Variants in THSD7B observed in about 807,000 individuals in gnomAD.
The protein encoded by THSD7B is thrombospondin type-1 domain-containing protein 7B.
A neutral mutation model predicts 213.6 loss-of-function variants in THSD7B; 138 were observed. The ratio of observed to expected loss-of-function variants is 0.65; its 90% CI spans 0.56 to 0.74. The LOEUF is 0.74. Ranked by LOEUF, THSD7B falls within the 30% of genes least tolerant of loss-of-function variation. THSD7B has a pLI of 0.00. For synonymous variants in THSD7B, 742 were observed against 687.0 expected (o/e 1.08, Z -1.25); for missense variants, 1,931 against 1,991.5 (o/e 0.97, Z 0.58).
At chr2:137,282,744 G>A (rs1363218630) in intron 12 of THSD7B, among the ~76,000 whole-genome samples, 1 of 152,106 alleles carries the variant, frequency 6.6e-6, no homozygotes, top group Admixed American at 6.6e-5. Context: ...TGAGGGCTCT[G>A]TTTTATTCCA....
At chr2:137,251,995 G>A (rs1011288976) in intron 10 of THSD7B, among the ~76,000 whole-genome samples, 8 of 152,104 alleles carry the variant, frequency 5.3e-5, no homozygotes, top group African/African-American at 1.2e-4. Context: ...TTGGCTGGGC[G>A]CAGTGGCTCA....
At chr2:137,638,463 A>G (rs1682876071) in intron 20 of THSD7B, among the ~76,000 whole-genome samples, 1 of 152,226 alleles carries the variant, frequency 6.6e-6, no homozygotes, top group Non-Finnish European at 1.5e-5. Context: ...TGTAAGTCCA[A>G]TTAAACCTCG....
At chr2:137,130,891 C>A (rs895602235) in intron 5 of THSD7B, among the ~76,000 whole-genome samples, 6 of 150,270 alleles carry the variant, frequency 4.0e-5, no homozygotes, top group African/African-American at 1.5e-4. Flanking sequence ...TGGGTATATA[C>A]CCAGTAATGG....
rs184123913 is a variant in THSD7B, at chr2:137,540,422, C to G, written c.3139-22799C>G. 1.3e-3 allele frequency among the ~76,000 whole-genome samples: 199 copies of G among 151,782 alleles called. 1 individual carries two copies. The highest frequency in any genetic ancestry group is 1.8e-3 in the Admixed American group (27 of 15,204). ...AATTGAGAGATTTCTCGCATTTTAA[C>G]TTGCCCTGTTTCCAACTCCAGCTGC... On this transcript the variant is annotated intron_variant, in intron 15 of 27. Coordinates refer to ENST00000409968, the MANE Select transcript of THSD7B (RefSeq NM_001316349.2).
chr2:137,437,833 C>G (rs1323446831), intron 14 of THSD7B, among the ~76,000 whole-genome samples: 4 of 152,130 alleles, frequency 2.6e-5, no homozygotes, highest in Non-Finnish European at 4.4e-5. Flanking sequence ...AAATGTTAAT[C>G]TTTACCTACT....
chr2:137,613,704 A>AAT (rs1437895914), intron 17 of THSD7B, among the ~76,000 whole-genome samples: 3 of 152,246 alleles, frequency 2.0e-5, no homozygotes, highest in Admixed American at 6.5e-5. Flanking sequence ...GTCTTTATAT[A>AAT]ATTACTCTAG....
chr2:137,433,362 TC>T (rs1413112104), intron 14 of THSD7B, among the ~76,000 whole-genome samples: 2 of 150,624 alleles, frequency 1.3e-5, no homozygotes, highest in Non-Finnish European at 3.0e-5. Context: ...TATTTTGTTT[TC>T]TTTTTTTTTT....
chr2:137,367,851 A>C (rs1685455689), intron 12 of THSD7B, among the ~76,000 whole-genome samples: 1 of 152,096 alleles, frequency 6.6e-6, no homozygotes, highest in Non-Finnish European at 1.5e-5. Flanking sequence ...TAAGGCTACC[A>C]ATTCCATCAT....
At chr2:136,767,439 A>G (rs1474835434) in intron 1 of THSD7B, among the ~76,000 whole-genome samples, 1 of 103,474 alleles carries the variant, frequency 9.7e-6, no homozygotes, top group Non-Finnish European at 2.3e-5. Flanking sequence ...GAATTGTTTT[A>G]TTTTCTATCC....
intron 12 of THSD7B, among the ~76,000 whole-genome samples, chr2:137,316,213 A>G (rs1327247517): frequency 6.6e-6 from 1 of 152,234 alleles, no homozygotes; most frequent in Non-Finnish European, 1.5e-5. Flanking sequence ...CGAAAAAAAT[A>G]CCACAACCGA....
intron 2 of THSD7B, among the ~76,000 whole-genome samples, chr2:136,971,617 T>A: frequency 8.1e-6 from 1 of 123,790 alleles, no homozygotes; most frequent in South Asian, 2.7e-4. Flanking sequence ...AAATACAAAG[T>A]CACTGGTTTA....
intron 17 of THSD7B, among the ~76,000 whole-genome samples, chr2:137,581,782 AAAATAAT>A (rs1681584557): frequency 6.8e-6 from 1 of 147,550 alleles, no homozygotes. Context: ...AAAAAAAAAA[AAAATAAT>A]AATAAATAAT....
At chr2:137,126,834 A>G (rs536170245) in intron 5 of THSD7B, among the ~76,000 whole-genome samples, 16 of 152,240 alleles carry the variant, frequency 1.1e-4, no homozygotes, top group African/African-American at 3.9e-4. Context: ...AACATGTAGA[A>G]GTCATGGTAG....
At position 136,966,428 on chromosome 2, in the gene THSD7B, G is replaced by A. The variant is rs115599321; in HGVS notation, c.139+84111G>A. ...GACAGGGTTTTACCGTATCACTCAG[G>A]GTGGTCTCAAACTCTTGGGTTCAAG... On this transcript the variant is annotated intron_variant, in intron 2 of 27. Transcript: ENST00000409968. Among the ~76,000 whole-genome samples the A allele has an allele frequency of 7.0e-3, 1,066 of 152,142 alleles. 12 individuals are homozygous for A. The highest frequency in any genetic ancestry group is 0.024 in the African/African-American group (1,003 of 41,510).
chr2:136,904,001 C>G (rs1053824427), intron 2 of THSD7B, among the ~76,000 whole-genome samples: 1 of 147,844 alleles, frequency 6.8e-6, no homozygotes, highest in Middle Eastern at 3.2e-3. Flanking sequence ...GGGCCGGCAG[C>G]ATGATTTTTG....
chr2:137,010,617 AAC>A (rs1686214335), intron 2 of THSD7B, among the ~76,000 whole-genome samples: 1 of 152,190 alleles, frequency 6.6e-6, no homozygotes, highest in Non-Finnish European at 1.5e-5. Flanking sequence ...CTGTAGTGCC[AAC>A]ACATGTTATT....
intron 7 of THSD7B, among the ~76,000 whole-genome samples, chr2:137,215,483 T>C (rs1681215396): frequency 6.6e-6 from 1 of 152,118 alleles, no homozygotes; most frequent in Non-Finnish European, 1.5e-5. Context: ...GATTCTGAAA[T>C]GCAAAAAGTA....
At chr2:136,908,984 C>T (rs1181356450) in intron 2 of THSD7B, among the ~76,000 whole-genome samples, 5 of 152,070 alleles carry the variant, frequency 3.3e-5, no homozygotes, top group Non-Finnish European at 5.9e-5. Context: ...AGTTCGAGAC[C>T]AGCCTGACCA....
intron 1 of THSD7B, among the ~76,000 whole-genome samples, chr2:136,859,570 G>A (rs1300963819): frequency 6.6e-6 from 1 of 152,154 alleles, no homozygotes; most frequent in South Asian, 2.1e-4. Flanking sequence ...TTCCAAGGAA[G>A]AGCGAGTGGC....
Sources: gnomAD v4.1 joint callset for allele counts (sites outside exome capture counted in the v4.1 genomes callset) on GRCh38, gnomAD v4.1.1 for gene constraint, MANE v1.5 for transcripts, NCBI Gene and HGNC (gene_info 2026-07-23, HGNC 2026-07-21) for gene names.